HGF: variants seen among roughly 807,000 people sequenced by gnomAD.
The protein encoded by HGF is hepatocyte growth factor.
Under a neutral mutation model 111.6 loss-of-function variants are expected in HGF, and 39 were observed. The observed-to-expected ratio is 0.35, with a 90% CI of 0.27 to 0.46. The LOEUF (loss-of-function observed/expected upper bound fraction) is 0.46. HGF is among the 20% of genes least tolerant of loss of function. HGF has a pLI of 1.00. For synonymous variants in HGF, 285 were observed against 294.8 expected, an observed-to-expected ratio of 0.97 and a Z score of 0.34; for missense variants, 735 against 910.5, an observed-to-expected ratio of 0.81 and a Z score of 2.48.
intron 6 of HGF, among the ~76,000 whole-genome samples, chr7:81,743,725 T>C (rs1788103745): frequency 6.6e-6 from 1 of 152,130 alleles, no homozygotes; most frequent in South Asian, 2.1e-4. Context: ...TAGCTGAGGT[T>C]CCAAATCGAG....
intron 5 of HGF, among the ~76,000 whole-genome samples, chr7:81,746,332 A>C (rs887434227): frequency 6.6e-6 from 1 of 152,060 alleles, no homozygotes; most frequent in South Asian, 2.1e-4. Context: ...CCCAATAAGC[A>C]CCTGAACTGT....
At position 81,729,640 on chromosome 7, in the gene HGF, G is replaced by A. The variant is rs757186641; in HGVS notation, c.1005C>T (p.His335=). ...AATTTTCAGGAGTCATGTCATGCTC[G>A]TGAGGATACTGAGAATCCCAACGCT... ...PCQRWDSQYP[H]EHDMTPENFK... The change falls in exon 8 of 18, where the codon CAC becomes CAT. Residue 335 remains histidine (H), a synonymous_variant. Coordinates refer to ENST00000222390, the MANE Select transcript of HGF (RefSeq NM_000601.6). 3.5e-5 allele frequency: 57 copies of A among 1,613,678 alleles called. No homozygotes were observed. The South Asian group carries it at 4.3e-4, about 12-fold the overall frequency.
At chr7:81,753,020 C>T (rs1268446294) in intron 4 of HGF, among the ~76,000 whole-genome samples, 1 of 152,076 alleles carries the variant, frequency 6.6e-6, no homozygotes, top group African/African-American at 2.4e-5. Flanking sequence ...TAATAAAGAA[C>T]AGAATTGCTT....
chr7:81,744,701 C>A (rs1428523967), intron 6 of HGF, among the ~76,000 whole-genome samples: 3 of 152,134 alleles, frequency 2.0e-5, no homozygotes, highest in South Asian at 2.1e-4. Flanking sequence ...CCACTCTATA[C>A]CCTGCTGATG....
chr7:81,760,929 G>A (rs568285871), intron 2 of HGF, among the ~76,000 whole-genome samples: 2 of 152,208 alleles, frequency 1.3e-5, no homozygotes, highest in Admixed American at 1.3e-4. Context: ...AATCATTTTA[G>A]TTCCTAGTAA....
At chr7:81,741,938 C>CA (rs71520767) in intron 7 of HGF, among the ~76,000 whole-genome samples, 29,842 of 46,596 alleles carry the variant, frequency 0.64, 9,411 homozygotes, top group South Asian at 0.73. Context: ...AACTCCATCT[C>CA]AAAAAAAAAA....
intron 1 of HGF, among the ~76,000 whole-genome samples, chr7:81,766,949 A>C (rs1021471221): frequency 6.6e-6 from 1 of 152,192 alleles, no homozygotes; most frequent in Non-Finnish European, 1.5e-5. Flanking sequence ...CTCACAGACA[A>C]TATTCCCCAT....
chr7:81,760,261 C>A (rs1789001216), intron 2 of HGF, among the ~76,000 whole-genome samples: 1 of 152,092 alleles, frequency 6.6e-6, no homozygotes, highest in Non-Finnish European at 1.5e-5. Flanking sequence ...GTACCAGTTG[C>A]CAGCCATGGC....
chr7:81,754,094 G>A (rs1788637020), intron 4 of HGF, among the ~76,000 whole-genome samples: 1 of 151,890 alleles, frequency 6.6e-6, no homozygotes, highest in Admixed American at 6.6e-5. Flanking sequence ...AGTTGATATG[G>A]TAGAGTGGTG....
At chr7:81,745,636 G>A (rs544633519) in intron 5 of HGF, among the ~76,000 whole-genome samples, 1 of 152,254 alleles carries the variant, frequency 6.6e-6, no homozygotes, top group South Asian at 2.1e-4. Flanking sequence ...TAGAAATCTG[G>A]TGCAATTCAA....
intron 7 of HGF, among the ~76,000 whole-genome samples, chr7:81,742,091 A>C (rs1416759781): frequency 6.6e-6 from 1 of 152,142 alleles, no homozygotes; most frequent in Non-Finnish European, 1.5e-5. Context: ...GAACCAACCC[A>C]ATCTATGCAG....
rs142895952 is a variant in HGF, at chr7:81,734,250, A to G, written c.866-4471T>C. 9.4e-3 allele frequency among the ~76,000 whole-genome samples: 1,433 copies of G among 152,266 alleles called. 20 individuals carry two copies. The highest frequency in any genetic ancestry group is 0.033 in the African/African-American group (1,370 of 41,572). Reference sequence around the variant, plus strand: ...GTTCCAACAAAGAAAACATTTTGCCAGGGGTATCAGCAGTGGCTACCCATT... The same window carrying G: ...GTTCCAACAAAGAAAACATTTTGCCGGGGGTATCAGCAGTGGCTACCCATT... On this transcript the variant is annotated intron_variant, in intron 7 of 17. Coordinates refer to ENST00000222390, the MANE Select transcript of HGF (RefSeq NM_000601.6).
At position 81,742,378 on chromosome 7, in the gene HGF, A is replaced by G. The variant is rs761725346; in HGVS notation, c.865+975T>C. 4.6e-5 allele frequency among the ~76,000 whole-genome samples: 7 copies of G among 152,318 alleles called. No homozygotes were observed. The South Asian group carries it at 8.3e-4, about 18-fold the overall frequency. ...GCTATAGTGAAATATATGAAAATCA[A>G]TCCATGCCCTCTTAATTATATATTT... On this transcript the variant is annotated intron_variant, in intron 7 of 17. Transcript: ENST00000222390.
At chr7:81,751,527 G>T (rs1412601760) in intron 5 of HGF, 2 of 984,410 alleles carry the variant, frequency 2.0e-6, no homozygotes, top group Admixed American at 6.1e-5. Context: ...CAGTTTGGTG[G>T]TCTCCATTGC....
intron 8 of HGF, among the ~76,000 whole-genome samples, chr7:81,728,209 G>C (rs1790070637): frequency 6.6e-6 from 1 of 152,090 alleles, no homozygotes; most frequent in Non-Finnish European, 1.5e-5. Context: ...CACAAGCTTT[G>C]TTTCTTAATA....
intron 5 of HGF, among the ~76,000 whole-genome samples, chr7:81,749,191 C>T (rs1583986027): frequency 6.6e-6 from 1 of 152,184 alleles, no homozygotes; most frequent in East Asian, 1.9e-4. Context: ...TCGAATTATA[C>T]ACATAAACTT....
intron 1 of HGF, 30 bp from the exon 2 acceptor site, chr7:81,762,902 A>C: frequency 7.8e-7 from 1 of 1,288,680 alleles, no homozygotes; most frequent in Non-Finnish European, 1.1e-6. Context: ...TTAAAAAAAT[A>C]AACATTGGAG....
chr7:81,757,271 G>T lies in HGF; in HGVS notation c.400C>A (p.Arg134Ser). 6.2e-7 allele frequency: 1 copy of T among 1,602,164 alleles called. No homozygotes were observed. The highest frequency in any genetic ancestry group is 1.1e-5 in the South Asian group (1 of 90,858). ...ATAGATACTGTTCCCTTGTAGCTGCGTCCTTTACCAATGATGCAGTTTCTA... is the reference window on the plus strand; with the variant it reads ...ATAGATACTGTTCCCTTGTAGCTGCTTCCTTTACCAATGATGCAGTTTCTA... ...YIRNCIIGKG[R>S]SYKGTVSITK... is the part of the protein sequence containing the mutation. The change falls in exon 4 of 18, where the codon CGC becomes AGC. Residue 134 changes from arginine (R) to serine (S), a missense_variant. This residue lies in a region of HGF where 553 missense variants were observed against 685.6 expected (regional missense o/e 0.81). Coordinates refer to ENST00000222390, the MANE Select transcript of HGF (RefSeq NM_000601.6).
intron 8 of HGF, among the ~76,000 whole-genome samples, chr7:81,727,591 C>A (rs901027186): frequency 2.7e-5 from 4 of 148,418 alleles, no homozygotes; most frequent in East Asian, 2.0e-4. Flanking sequence ...TAAAAAAAAT[C>A]TATGTCAGTA....
Sources: allele counts gnomAD v4.1 joint callset (sites outside exome capture counted in the v4.1 genomes callset), GRCh38; gene constraint gnomAD v4.1.1; regional missense constraint gnomAD v4.1.1; transcripts MANE v1.5; gene names NCBI Gene and HGNC (gene_info 2026-07-23, HGNC 2026-07-21).